Variants in CCDC194 observed in about 807,000 individuals in gnomAD.
CCDC194 encodes coiled-coil domain-containing protein 194.
In CCDC194, 8 loss-of-function variants were observed where a neutral mutation model predicts 4.9. The ratio of observed to expected loss-of-function variants is 1.65; its 90% CI spans 0.97 to 2.97. CCDC194 has a LOEUF of 2.97. CCDC194 is among the 30% of genes most tolerant of loss of function. CCDC194 has a pLI of 0.00. For synonymous variants in CCDC194, 13 were observed against 17.0 expected, an observed-to-expected ratio of 0.76 and a Z score of 0.58; for missense variants, 52 against 43.1, an observed-to-expected ratio of 1.21 and a Z score of -0.58.
At chr19:17,387,795 GAGA>G (rs1206028224), downstream of CCDC194, among the ~76,000 whole-genome samples, 2 of 152,146 alleles carry the variant, frequency 1.3e-5, no homozygotes, top group African/African-American at 4.8e-5. Context: ...ACATATCTTA[GAGA>G]AGATCTGCTT....
downstream of CCDC194, among the ~76,000 whole-genome samples, chr19:17,388,956 A>G (rs556378059): frequency 6.6e-6 from 1 of 152,180 alleles, no homozygotes; most frequent in Non-Finnish European, 1.5e-5. Context: ...CTCCCGCCTC[A>G]GCCTCCCAAG....
downstream of CCDC194, among the ~76,000 whole-genome samples, chr19:17,388,537 C>A (rs566066461): frequency 4.6e-5 from 7 of 151,962 alleles, no homozygotes; most frequent in Non-Finnish European, 1.0e-4. Context: ...GTAGATGGGA[C>A]CACAGGTGCA....
chr19:17,390,366 C>A (rs1411362723), downstream of CCDC194: 6 of 381,912 alleles, frequency 1.6e-5, no homozygotes, highest in Non-Finnish European at 2.8e-5. The surrounding 1 kb of genome is among the most constrained non-coding windows in gnomAD (Gnocchi z 5.5). Context: ...AGGCACCTTT[C>A]TGTGCAGTTT....
At position 17,391,737 on chromosome 19, in the gene CCDC194, C is replaced by G; in HGVS notation, c.421+13G>C. On this transcript the variant is annotated intron_variant, in intron 2 of 3. Coordinates refer to ENST00000636079, the Ensembl canonical transcript of CCDC194. ...ACTTCTATCCCTGCCCACTCCCTTACACCCCAACGCACCTGTCAGCGCCCC... is the reference window on the plus strand; with the variant it reads ...ACTTCTATCCCTGCCCACTCCCTTAGACCCCAACGCACCTGTCAGCGCCCC... 1 of 1,535,758 alleles carries G rather than the reference C, an allele frequency of 6.5e-7. No individual in the cohort carries two copies. Among genetic ancestry groups the G allele is most frequent in the Non-Finnish European group, 8.7e-7 (1 of 1,146,914 alleles).
At chr19:17,387,633 G>C (rs1057184751), downstream of CCDC194, among the ~76,000 whole-genome samples, 1 of 151,990 alleles carries the variant, frequency 6.6e-6, no homozygotes, top group Non-Finnish European at 1.5e-5. Context: ...CAAGAGAATC[G>C]TTTGAACCCG....
intron 3 of CCDC194, 71 bp downstream of exon 3, chr19:17,391,140 A>C: frequency 2.8e-6 from 1 of 357,444 alleles, no homozygotes; most frequent in Non-Finnish European, 5.0e-6. Context: ...GAAAGAATGC[A>C]GCCCTGCGCA....
intron 1 of CCDC194, among the ~76,000 whole-genome samples, chr19:17,393,165 TAGTC>T (rs1240210019): frequency 6.6e-6 from 1 of 152,044 alleles, no homozygotes; most frequent in Non-Finnish European, 1.5e-5. Flanking sequence ...TCTGAAGGGT[TAGTC>T]AGAGGAAAAG....
intron 3 of CCDC194, among the ~76,000 whole-genome samples, 179 bp downstream of exon 3, chr19:17,391,032 T>A (rs2074652201): frequency 6.6e-6 from 1 of 151,602 alleles, no homozygotes; most frequent in African/African-American, 2.4e-5. Context: ...GAGAGTCCAC[T>A]CCCTTCTCCA....
downstream of CCDC194, among the ~76,000 whole-genome samples, chr19:17,388,512 A>G (rs1334725013): frequency 1.4e-5 from 2 of 146,370 alleles, no homozygotes; most frequent in Non-Finnish European, 3.0e-5. Context: ...TGATCCTCCC[A>G]CCTCAGTCTC....
At chr19:17,391,804 C>G (rs964167565) in exon 2 of CCDC194, 32 of 1,535,486 alleles carry the variant, frequency 2.1e-5, no homozygotes, top group Non-Finnish European at 2.7e-5. Context: ...TTGGCTTCGT[C>G]CATCTCAATC....
downstream of CCDC194, chr19:17,390,468 G>A: frequency 5.1e-6 from 2 of 389,980 alleles, no homozygotes; most frequent in South Asian, 2.6e-4. The surrounding 1 kb of genome is among the most constrained non-coding windows in gnomAD (Gnocchi z 5.5). Flanking sequence ...CCCCCCATAT[G>A]TGTCCTCCAG....
downstream of CCDC194, among the ~76,000 whole-genome samples, chr19:17,387,408 T>TACACACAC (rs143974682): frequency 6.7e-6 from 1 of 150,186 alleles, no homozygotes; most frequent in African/African-American, 2.4e-5. Context: ...CCCCAAGCCC[T>TACACACAC]ACACACACAC....
downstream of CCDC194, chr19:17,390,396 G>C: frequency 2.6e-6 from 1 of 382,846 alleles, no homozygotes. This position sits in a 1 kb window ranked among gnomAD's most constrained non-coding sequence, Gnocchi z 5.5. Flanking sequence ...ACGTCTCCAG[G>C]GTCTAAAGCT....
rs921682103 is a variant in CCDC194 at position 17,391,824 on chromosome 19, G to A, written c.347C>T (p.Thr116Met). ...TTCGTCCATCTCAATCTTCAGTGTCGTTAGTTGGGTCTGAAGCCGGCTCTG... is the reference window on the plus strand; with the variant it reads ...TTCGTCCATCTCAATCTTCAGTGTCATTAGTTGGGTCTGAAGCCGGCTCTG... Residue 116 changes from threonine to methionine, a missense_variant, in exon 2 of 4, where the codon ACG becomes ATG. Transcript: ENST00000636079. The A allele has an allele frequency of 2.0e-6, 3 of 1,534,218 alleles. No individual in the cohort carries two copies. The Admixed American group carries it at 5.9e-5, about 30-fold the overall frequency.
chr19:17,389,499 G>GA (rs201007645), downstream of CCDC194, among the ~76,000 whole-genome samples: 3,963 of 151,894 alleles, frequency 0.026, 133 homozygotes, highest in African/African-American at 0.071. Flanking sequence ...TGTACTCCCA[G>GA]AAAAAAAACT....
At chr19:17,392,114 G>A (rs1273276681) in intron 1 of CCDC194, 2 of 330,592 alleles carry the variant, frequency 6.0e-6, no homozygotes, top group Non-Finnish European at 5.5e-6. Context: ...GGAGAGTGCT[G>A]AGCTCTGCGG....
At chr19:17,394,027 C>G (rs954554505) in exon 1 of CCDC194, 7 of 389,506 alleles carry the variant, frequency 1.8e-5, no homozygotes, top group African/African-American at 1.5e-4. Context: ...AGCGAGGTCC[C>G]CGAGCAGCCG....
intron 1 of CCDC194, among the ~76,000 whole-genome samples, chr19:17,392,901 C>T (rs530451208): frequency 1.3e-5 from 2 of 152,220 alleles, no homozygotes; most frequent in South Asian, 4.1e-4. Context: ...AGGCTGGTCT[C>T]GAACTCTTGA....
At position 17,390,526 on chromosome 19, in the gene CCDC194, GCGCCGGC is replaced by G. The variant is rs1272950720; in HGVS notation, c.681_687del (p.Pro228GlyfsTer?). The G allele has an allele frequency of 5.1e-6, 2 of 393,738 alleles. No homozygotes were observed. Among genetic ancestry groups the G allele is most frequent in the Non-Finnish European group, 9.0e-6 (2 of 223,098 alleles). 24.4% of individuals were successfully genotyped at this position (393,738 alleles called of 1,614,324 possible). A position where few individuals can be genotyped will look rare whatever the true frequency, so the allele number is the denominator to read the frequency against. On this transcript the variant is annotated frameshift_variant, in exon 4 of 4. Transcript: ENST00000636079. LOFTEE classifies it high-confidence loss of function. The surrounding 1 kb of genome is among the most constrained non-coding windows in gnomAD (Gnocchi z 5.5). ...GGGCCGACTCACCCTCGTGCGCGCC[GCGCCGGC>G]CGCCGGCAGCCCCCGGAGGGTCCGG...
Sources: gnomAD v4.1 joint callset for allele counts (sites outside exome capture counted in the v4.1 genomes callset) on GRCh38, gnomAD v4.1.1 for gene constraint, Gnocchi (gnomAD v3.1) non-coding constraint, MANE v1.5 for transcripts, NCBI Gene and HGNC (gene_info 2026-07-23, HGNC 2026-07-21) for gene names.